The following TMEM123 variants were observed in gnomAD, a reference collection of about 807,000 sequenced individuals.
TMEM123 encodes transmembrane protein 123.
A neutral mutation model predicts 19.7 loss-of-function variants in TMEM123; 16 were observed. The observed-to-expected ratio is 0.81, with a 90% CI of 0.55 to 1.23. The LOEUF is 1.23. Ranked by LOEUF, TMEM123 falls within the 50% of genes most tolerant of loss-of-function variation. The probability of loss-of-function intolerance (pLI) is 0.00; values close to 1 mark genes in which losing one functional copy is unlikely to be tolerated. For missense variants in TMEM123, 313 were observed against 257.8 expected, an observed-to-expected ratio of 1.21 and a Z score of -1.47; for synonymous variants, 118 against 99.4, an observed-to-expected ratio of 1.19 and a Z score of -1.12.
At chr11:102,401,849 T>C (rs1951915750) in intron 3 of TMEM123, 67 bp downstream of exon 3, 11 of 1,557,830 alleles carry the variant, frequency 7.1e-6, no homozygotes, top group Non-Finnish European at 9.6e-6. Context: ...CCAGACAGAA[T>C]AATGACTTAA....
chr11:102,426,407 CT>C lies in TMEM123; in HGVS notation c.157+22404del, dbSNP rs567667063. Among the ~76,000 whole-genome samples, 20 of 152,052 alleles carry C rather than the reference CT, an allele frequency of 1.3e-4. No homozygotes were observed. In the East Asian group the frequency reaches 3.9e-3, roughly 29 times the overall value. Reference sequence around the variant, plus strand: ...TAGAAGGGAGCCGATGCAGACAGCACTTTTACGCCCGCATCACAATTCATTT... The same window carrying C: ...TAGAAGGGAGCCGATGCAGACAGCACTTTACGCCCGCATCACAATTCATTT... On this transcript the variant is annotated intron_variant, in intron 2 of 4. Transcript: ENST00000398136.
rs768592915 is a variant in TMEM123, at chr11:102,402,005, CTTG to C, written c.356_358del (p.Thr119del). ...TATCTGAGATGTGTTCTGTGAAACA[CTTG>C]TTGTTTTGGGTGTAGACTTTAAGGT... is the stretch of plus-strand genomic sequence containing the variant. On this transcript the variant is annotated inframe_deletion, in exon 3 of 5. Coordinates refer to ENST00000398136, the MANE Select transcript of TMEM123 (RefSeq NM_052932.3). 1.1e-4 allele frequency: 175 copies of C among 1,613,994 alleles called. No individual in the cohort carries two copies. The East Asian group carries it at 1.4e-3, about 13-fold the overall frequency.
chr11:102,425,567 TTTTTTTTTCTTTTTTC>T (rs1952119336), intron 2 of TMEM123, among the ~76,000 whole-genome samples: 1 of 151,196 alleles, frequency 6.6e-6, no homozygotes, highest in Non-Finnish European at 1.5e-5. Context: ...GGATTGTTTT[TTTTTTTTTCTTTTTTC>T]TTTTTTTTTT....
At chr11:102,443,951 A>T (rs750041116) in intron 2 of TMEM123, among the ~76,000 whole-genome samples, 1 of 152,260 alleles carries the variant, frequency 6.6e-6, no homozygotes, top group Non-Finnish European at 1.5e-5. Context: ...AAAAATGCTC[A>T]TCATCACTGG....
chr11:102,411,119 T>C (rs1166784753), intron 2 of TMEM123, among the ~76,000 whole-genome samples: 2 of 152,096 alleles, frequency 1.3e-5, no homozygotes, highest in Non-Finnish European at 2.9e-5. Context: ...TGCCATAGCA[T>C]AGGGCCCACA....
intron 1 of TMEM123, 122 bp from the exon 2 acceptor site, chr11:102,448,990 G>A: frequency 3.1e-6 from 3 of 953,048 alleles, no homozygotes; most frequent in Admixed American, 1.9e-5. Flanking sequence ...TATTCCACAG[G>A]AAGTTCTACT....
rs78557518 is a variant in TMEM123 at position 102,428,989 on chromosome 11, T to A, written c.157+19823A>T. Among the ~76,000 whole-genome samples, 61 of 152,264 alleles carry A rather than the reference T, an allele frequency of 4.0e-4. No homozygotes were observed. In the East Asian group the frequency reaches 8.9e-3, roughly 22 times the overall value. ...AGGCAAACACCCTTCGCTCACCCCC[T>A]GGGGTCTGGAGGGACTACGAGTGGG... is the stretch of plus-strand genomic sequence containing the variant. On this transcript the variant is annotated intron_variant, in intron 2 of 4. Coordinates refer to ENST00000398136, the MANE Select transcript of TMEM123 (RefSeq NM_052932.3).
rs533694528 is a variant in TMEM123, at chr11:102,431,532, C to G, written c.157+17280G>C. On this transcript the variant is annotated intron_variant, in intron 2 of 4. Coordinates refer to ENST00000398136, the MANE Select transcript of TMEM123 (RefSeq NM_052932.3). ...CTGAGGCTCTGTATCCTTTAACCAT[C>G]ATCTCCCCTTTTTCCCCACCCTGCA... Among the ~76,000 whole-genome samples, 108 of 152,316 alleles carry G rather than the reference C, an allele frequency of 7.1e-4. 5 individuals are homozygous for G. In the South Asian group the frequency reaches 0.022, roughly 31 times the overall value.
intron 2 of TMEM123, among the ~76,000 whole-genome samples, chr11:102,445,444 A>G (rs1267656927): frequency 1.3e-5 from 2 of 152,190 alleles, no homozygotes; most frequent in African/African-American, 4.8e-5. Context: ...AACTAAAGCA[A>G]CCTGTCAGGC....
intron 2 of TMEM123, among the ~76,000 whole-genome samples, chr11:102,412,602 G>A (rs1244992729): frequency 2.0e-5 from 3 of 152,014 alleles, no homozygotes; most frequent in Non-Finnish European, 4.4e-5. Context: ...AGAAAAAAAA[G>A]ATAACAACTC....
In TMEM123 at chr11:102,403,102, C is replaced by T. The variant is rs191907995; in HGVS notation, c.158-896G>A. Among the ~76,000 whole-genome samples, 918 of 152,202 alleles carry T rather than the reference C, an allele frequency of 6.0e-3. 12 individuals carry two copies. The highest frequency in any genetic ancestry group is 0.023 in the Admixed American group (349 of 15,282). On this transcript the variant is annotated intron_variant, in intron 2 of 4. Coordinates refer to ENST00000398136, the MANE Select transcript of TMEM123 (RefSeq NM_052932.3). ...CTCGGCTCAATGCAACCTCCGCCTCCTGGGTCCAAGTGATTCTCCTGCCTT... is the reference window on the plus strand; with the variant it reads ...CTCGGCTCAATGCAACCTCCGCCTCTTGGGTCCAAGTGATTCTCCTGCCTT...
chr11:102,413,111 G>T (rs921655524), intron 2 of TMEM123, among the ~76,000 whole-genome samples: 2 of 152,162 alleles, frequency 1.3e-5, no homozygotes, highest in Non-Finnish European at 2.9e-5. Flanking sequence ...AAGGTAAAAT[G>T]AACTTTTGAT....
intron 2 of TMEM123, among the ~76,000 whole-genome samples, chr11:102,425,498 G>T (rs990136809): frequency 6.7e-6 from 1 of 149,598 alleles, no homozygotes; most frequent in Admixed American, 6.7e-5. Flanking sequence ...TCTGTTTTTC[G>T]TTTGTCCATC....
Position 102,437,390 on chromosome 11 carries a change from G to A in TMEM123, c.157+11422C>T, listed in dbSNP as rs537927453. ...AGGAGACTGCTTGAACCCAGAAGGC[G>A]GAGGTTTCAGTGAGTTGAGATCGAG... On this transcript the variant is annotated intron_variant, in intron 2 of 4. Transcript: ENST00000398136. Among the ~76,000 whole-genome samples the A allele has an allele frequency of 3.0e-4, 45 of 151,790 alleles. No homozygotes were observed. In the East Asian group the frequency reaches 4.5e-3, roughly 15 times the overall value.
At chr11:102,444,571 G>T (rs540723211) in intron 2 of TMEM123, among the ~76,000 whole-genome samples, 82 of 151,836 alleles carry the variant, frequency 5.4e-4, no homozygotes, top group African/African-American at 1.8e-3. Context: ...GACAGCATTA[G>T]GAGACACATC....
At chr11:102,399,921 G>A (rs1232645590) in intron 4 of TMEM123, among the ~76,000 whole-genome samples, 1 of 151,176 alleles carries the variant, frequency 6.6e-6, no homozygotes, top group African/African-American at 2.4e-5. Context: ...AGTGAGCCGA[G>A]ATCGTGCCAT....
At chr11:102,439,640 T>A (rs1391113445) in intron 2 of TMEM123, among the ~76,000 whole-genome samples, 1 of 152,098 alleles carries the variant, frequency 6.6e-6, no homozygotes, top group Admixed American at 6.5e-5. Context: ...GAGCGCCTCT[T>A]CTCCTCCAAA....
intron 1 of TMEM123, among the ~76,000 whole-genome samples, chr11:102,449,997 C>G (rs145650795): frequency 4.9e-4 from 75 of 152,280 alleles, no homozygotes; most frequent in African/African-American, 1.7e-3. Flanking sequence ...CTCCCCCAAC[C>G]TTCCCAATTG....
At chr11:102,438,112 G>A (rs1353912020) in intron 2 of TMEM123, among the ~76,000 whole-genome samples, 1 of 152,162 alleles carries the variant, frequency 6.6e-6, no homozygotes, top group Non-Finnish European at 1.5e-5. Flanking sequence ...GGAGTGCAGT[G>A]GCACAATCTC....
Sources: allele counts gnomAD v4.1 joint callset (sites outside exome capture counted in the v4.1 genomes callset), GRCh38; gene constraint gnomAD v4.1.1; transcripts MANE v1.5; gene names NCBI Gene and HGNC (gene_info 2026-07-23, HGNC 2026-07-21).